Variants in BMPER observed in about 807,000 individuals in gnomAD.
BMPER encodes BMP binding endothelial regulator.
In BMPER, 45 loss-of-function variants were observed where a neutral mutation model predicts 87.3. That is an observed-to-expected ratio of 0.52 (90% CI 0.41 to 0.66). The LOEUF (loss-of-function observed/expected upper bound fraction) is 0.66. Ranked by LOEUF, BMPER falls within the 30% of genes least tolerant of loss-of-function variation. The probability of loss-of-function intolerance (pLI) is 0.00; values close to 1 mark genes in which losing one functional copy is unlikely to be tolerated. For synonymous variants in BMPER, 326 were observed against 316.2 expected, an observed-to-expected ratio of 1.03 and a Z score of -0.33; for missense variants, 784 against 867.5, an observed-to-expected ratio of 0.90 and a Z score of 1.21.
intron 6 of BMPER, among the ~76,000 whole-genome samples, chr7:33,994,730 G>C (rs1260829900): frequency 6.6e-6 from 1 of 152,152 alleles, no homozygotes; most frequent in Non-Finnish European, 1.5e-5. Context: ...TGGGGGGATT[G>C]TTGTGAACAA....
chr7:33,981,577 G>A (rs1785861087), intron 6 of BMPER, among the ~76,000 whole-genome samples: 1 of 152,130 alleles, frequency 6.6e-6, no homozygotes, highest in East Asian at 1.9e-4. Context: ...CATCCATTAG[G>A]ATAAAATGGT....
chr7:33,933,807 G>A (rs1399750555), intron 2 of BMPER, among the ~76,000 whole-genome samples: 1 of 152,154 alleles, frequency 6.6e-6, no homozygotes, highest in African/African-American at 2.4e-5. Flanking sequence ...TCTGCATCCT[G>A]AATGCCTGGG....
intron 2 of BMPER, among the ~76,000 whole-genome samples, chr7:33,909,853 G>A (rs1262143106): frequency 6.6e-6 from 1 of 152,176 alleles, no homozygotes; most frequent in Non-Finnish European, 1.5e-5. Context: ...TTTAAGCTGT[G>A]AAATGTTTCA....
intron 13 of BMPER, among the ~76,000 whole-genome samples, chr7:34,120,376 G>C (rs1790231115): frequency 6.7e-6 from 1 of 148,312 alleles, no homozygotes; most frequent in Admixed American, 6.9e-5. Flanking sequence ...ATACAATGAT[G>C]ATTATTTTGA....
At chr7:33,935,429 G>A (rs113431664) in intron 2 of BMPER, among the ~76,000 whole-genome samples, 3 of 152,112 alleles carry the variant, frequency 2.0e-5, no homozygotes, top group South Asian at 4.1e-4. Flanking sequence ...CTGAGCTTCA[G>A]GGGGTGGGAG....
chr7:34,048,267 T>A (rs895550147), intron 7 of BMPER, among the ~76,000 whole-genome samples: 1 of 152,170 alleles, frequency 6.6e-6, no homozygotes, highest in Non-Finnish European at 1.5e-5. Context: ...AGCTTTCTCC[T>A]CTTTGATGGC....
In BMPER at chr7:34,069,072, A is replaced by G. The variant is rs1274301907; in HGVS notation, c.1078+7025A>G. Among the ~76,000 whole-genome samples, 5 of 152,244 alleles carry G rather than the reference A, an allele frequency of 3.3e-5. No homozygotes were observed. In the East Asian group the frequency reaches 9.6e-4, roughly 29 times the overall value. ...GAATGCATTTTATATAGAAAAAGAT[A>G]TGCGAATTCATTATTAGACATCTGG... On this transcript the variant is annotated intron_variant, in intron 11 of 14. Coordinates refer to ENST00000649409, the MANE Select transcript of BMPER (RefSeq NM_001365308.1).
chr7:33,959,361 A>G (rs1785217141), intron 3 of BMPER, among the ~76,000 whole-genome samples: 1 of 152,046 alleles, frequency 6.6e-6, no homozygotes, highest in Non-Finnish European at 1.5e-5. Context: ...GGTGGCTTTT[A>G]GTGACATTTT....
intron 2 of BMPER, among the ~76,000 whole-genome samples, chr7:33,920,705 G>A (rs1289887872): frequency 2.0e-5 from 3 of 152,000 alleles, no homozygotes; most frequent in Admixed American, 1.3e-4. Flanking sequence ...GATTACAGGC[G>A]TGAGCCATCG....
intron 13 of BMPER, among the ~76,000 whole-genome samples, chr7:34,141,610 C>CAAAAAAA (rs70997567): frequency 1.6e-4 from 9 of 54,982 alleles, no homozygotes; most frequent in Admixed American, 5.0e-4. Context: ...AACACCATCT[C>CAAAAAAA]AAAAAAAAAA....
chr7:33,906,343 A>G lies in BMPER; in HGVS notation c.134-475A>G, dbSNP rs1435616686. ...GAAGGGAAAAGGGGATTGCGTTTCA[A>G]AAAGTGATTTAAACCTAAGACAATG... On this transcript the variant is annotated intron_variant, in intron 1 of 14. Transcript: ENST00000649409. Among the ~76,000 whole-genome samples the G allele has an allele frequency of 2.0e-5, 3 of 152,224 alleles. No homozygotes were observed. The East Asian group carries it at 5.8e-4, about 29-fold the overall frequency.
intron 6 of BMPER, among the ~76,000 whole-genome samples, chr7:34,045,415 C>A (rs1036168481): frequency 6.6e-6 from 1 of 152,026 alleles, no homozygotes; most frequent in Non-Finnish European, 1.5e-5. Flanking sequence ...GAGGGGAAGT[C>A]GTCAGACTAT....
intron 11 of BMPER, among the ~76,000 whole-genome samples, chr7:34,063,427 TATA>T (rs1420348596): frequency 1.3e-5 from 2 of 151,944 alleles, no homozygotes; most frequent in Non-Finnish European, 2.9e-5. Flanking sequence ...AACTATTAAA[TATA>T]ATATTTATCT....
chr7:34,146,493 A>G lies in BMPER; in HGVS notation c.1876+3133A>G, dbSNP rs144172474. Among the ~76,000 whole-genome samples the G allele has an allele frequency of 3.0e-4, 45 of 152,328 alleles. 1 individual carries two copies. The East Asian group carries it at 8.3e-3, about 28-fold the overall frequency. On this transcript the variant is annotated intron_variant, in intron 14 of 14. Transcript: ENST00000649409. The stretch of plus-strand genomic sequence containing the variant: ...ATATGCTAAGGGCTATAGTGAAAGT[A>G]TATAAAAGTTTAATAATAATCATTT...
intron 11 of BMPER, chr7:34,067,406 A>G (rs1788621417): frequency 6.6e-6 from 1 of 152,148 alleles, no homozygotes; most frequent in African/African-American, 2.4e-5. Flanking sequence ...AAAAAACCAT[A>G]ATGAAACAGC....
chr7:33,928,105 G>A (rs991739790), intron 2 of BMPER, among the ~76,000 whole-genome samples: 6 of 151,996 alleles, frequency 3.9e-5, no homozygotes, highest in East Asian at 1.9e-4. Flanking sequence ...GTTCTCTGCC[G>A]CACCGACCCC....
In BMPER at chr7:33,913,665, A is replaced by G. The variant is rs1157340585; in HGVS notation, c.219+6762A>G. Among the ~76,000 whole-genome samples the G allele has an allele frequency of 3.9e-5, 6 of 152,326 alleles. No individual in the cohort carries two copies. The South Asian group carries it at 1.2e-3, about 32-fold the overall frequency. ...AAAAAAATAGAATATTTTGATAGAAAGACTCCAAACCATGCCCAAAAAGAC... is the reference window on the plus strand; with the variant it reads ...AAAAAAATAGAATATTTTGATAGAAGGACTCCAAACCATGCCCAAAAAGAC... On this transcript the variant is annotated intron_variant, in intron 2 of 14. Coordinates refer to ENST00000649409, the MANE Select transcript of BMPER (RefSeq NM_001365308.1).
chr7:34,065,199 ACTCACTCTCTCTCTCTCT>A (rs1278228766), intron 11 of BMPER, among the ~76,000 whole-genome samples: 3 of 94,124 alleles, frequency 3.2e-5, no homozygotes, highest in Admixed American at 1.2e-4. Context: ...ACACATACAC[ACTCACTCTCTCTCTCTCT>A]CTCTCTCTCT....
chr7:34,084,496 G>A (rs533408357), intron 12 of BMPER, among the ~76,000 whole-genome samples: 1 of 152,304 alleles, frequency 6.6e-6, no homozygotes, highest in East Asian at 1.9e-4. Context: ...GCATTCACTA[G>A]TACAAAGTTC....
Sources: allele counts gnomAD v4.1 joint callset (sites outside exome capture counted in the v4.1 genomes callset), GRCh38; gene constraint gnomAD v4.1.1; transcripts MANE v1.5; gene names NCBI Gene and HGNC (gene_info 2026-07-23, HGNC 2026-07-21).